The following EPHA6 variants were observed in gnomAD, a reference collection of about 807,000 sequenced individuals.
EPHA6 encodes ephrin type-A receptor 6.
EPHA6 carries 50 observed loss-of-function variants against 112.0 expected under a neutral mutation model. The observed-to-expected ratio is 0.45, with a 90% CI of 0.36 to 0.56. EPHA6 has a LOEUF of 0.56. EPHA6 is among the 20% of genes least tolerant of loss of function. The pLI is 0.00. For synonymous variants in EPHA6, 529 were observed against 490.7 expected (o/e 1.08, Z -1.03); for missense variants, 1,280 against 1,417.4 (o/e 0.90, Z 1.56).
At chr3:97,023,058 T>C (rs2044517151) in intron 3 of EPHA6, among the ~76,000 whole-genome samples, 2 of 152,278 alleles carry the variant, frequency 1.3e-5, no homozygotes, top group Admixed American at 1.3e-4. Flanking sequence ...CAATAAAGTA[T>C]CTGTGGATCC....
intron 1 of EPHA6, among the ~76,000 whole-genome samples, chr3:96,841,738 A>G (rs2034763079): frequency 6.6e-6 from 1 of 152,080 alleles, no homozygotes; most frequent in South Asian, 2.1e-4. Context: ...TTTTTCTATA[A>G]CATACCTAGC....
At chr3:97,608,411 A>T (rs1421004061) in intron 12 of EPHA6, among the ~76,000 whole-genome samples, 3 of 151,352 alleles carry the variant, frequency 2.0e-5, no homozygotes, top group Non-Finnish European at 4.4e-5. Flanking sequence ...ACTTGTTTTT[A>T]TGAAGCACCT....
intron 5 of EPHA6, among the ~76,000 whole-genome samples, chr3:97,333,872 C>T (rs1490280073): frequency 6.6e-6 from 1 of 152,012 alleles, no homozygotes; most frequent in Non-Finnish European, 1.5e-5. Context: ...GACATCCTGG[C>T]CTTTTTCCTG....
At chr3:97,540,061 A>T (rs2092827431) in intron 11 of EPHA6, among the ~76,000 whole-genome samples, 1 of 152,206 alleles carries the variant, frequency 6.6e-6, no homozygotes, top group African/African-American at 2.4e-5. Context: ...GAAAACTGGG[A>T]GGCAGCAGCA....
intron 5 of EPHA6, among the ~76,000 whole-genome samples, chr3:97,366,877 T>C (rs2084764179): frequency 6.6e-6 from 1 of 152,202 alleles, no homozygotes; most frequent in African/African-American, 2.4e-5. Flanking sequence ...TTTCTGTTCC[T>C]ATGAAATGAA....
rs115556811 is a variant in EPHA6 at position 97,466,944 on chromosome 3, C to T, written c.1895-8408C>T. On this transcript the variant is annotated intron_variant, in intron 7 of 17. Transcript: ENST00000389672. ...CATGTTGGTGACTTGCAGATTTCTT[C>T]GAATCATTCCAGATTTAGTTTAAGA... Among the ~76,000 whole-genome samples the T allele has an allele frequency of 3.6e-3, 554 of 151,974 alleles. 1 individual carries two copies. Among genetic ancestry groups the T allele is most frequent in the African/African-American group, 0.012 (516 of 41,508 alleles).
At chr3:96,960,610 C>G (rs1483547409) in intron 2 of EPHA6, among the ~76,000 whole-genome samples, 1 of 152,128 alleles carries the variant, frequency 6.6e-6, no homozygotes, top group African/African-American at 2.4e-5. Context: ...GCACATTTAT[C>G]TTTTGCTTTA....
chr3:97,071,784 T>C (rs1246521425), intron 3 of EPHA6, among the ~76,000 whole-genome samples: 1 of 151,870 alleles, frequency 6.6e-6, no homozygotes, highest in Non-Finnish European at 1.5e-5. Context: ...ACATAAGTTC[T>C]TTAATGATTA....
At chr3:96,927,151 G>A (rs1311676623) in intron 2 of EPHA6, among the ~76,000 whole-genome samples, 1 of 152,212 alleles carries the variant, frequency 6.6e-6, no homozygotes, top group African/African-American at 2.4e-5. Flanking sequence ...CTTGGGGCTT[G>A]CACCCACTGA....
chr3:97,135,175 A>G (rs1415200991), intron 3 of EPHA6, among the ~76,000 whole-genome samples: 2 of 152,198 alleles, frequency 1.3e-5, no homozygotes, highest in Non-Finnish European at 2.9e-5. Flanking sequence ...CCCAACAACT[A>G]GCAGGATATG....
chr3:97,634,127 C>T (rs566309338), intron 13 of EPHA6, among the ~76,000 whole-genome samples: 17 of 152,080 alleles, frequency 1.1e-4, no homozygotes, highest in African/African-American at 2.9e-4. Context: ...GATTCAAATC[C>T]GGACTCCACC....
At chr3:97,557,439 C>A (rs1222213517) in intron 11 of EPHA6, among the ~76,000 whole-genome samples, 1 of 151,800 alleles carries the variant, frequency 6.6e-6, no homozygotes, top group Non-Finnish European at 1.5e-5. Flanking sequence ...TCTTTATTGG[C>A]CTGGGATATA....
chr3:97,627,893 T>TA (rs1039166646), intron 13 of EPHA6, among the ~76,000 whole-genome samples: 2 of 151,958 alleles, frequency 1.3e-5, no homozygotes, highest in African/African-American at 2.4e-5. Flanking sequence ...GGATGGGACA[T>TA]ATGCATCAAT....
chr3:97,419,165 T>C lies in EPHA6; in HGVS notation c.1731+13891T>C, dbSNP rs2125331. Among the ~76,000 whole-genome samples, 734 of 152,050 alleles carry C rather than the reference T, an allele frequency of 4.8e-3. 7 individuals are homozygous for C. The highest frequency in any genetic ancestry group is 0.017 in the African/African-American group (705 of 41,498). ...ACTAAAAATACAAAATTGCGGGGCA[T>C]GGTGGCATGTACCTGTAATCCCAGC... On this transcript the variant is annotated intron_variant, in intron 6 of 17. Coordinates refer to ENST00000389672, the MANE Select transcript of EPHA6 (RefSeq NM_001080448.3).
At chr3:97,426,553 A>G (rs767410502) in intron 6 of EPHA6, among the ~76,000 whole-genome samples, 1 of 152,196 alleles carries the variant, frequency 6.6e-6, no homozygotes, top group Non-Finnish European at 1.5e-5. Flanking sequence ...TAAACTCAAG[A>G]TGAATTAAAG....
chr3:97,015,639 T>C (rs2107960472), intron 3 of EPHA6, among the ~76,000 whole-genome samples: 1 of 152,186 alleles, frequency 6.6e-6, no homozygotes, highest in South Asian at 2.1e-4. Context: ...ACAGTGATAA[T>C]CAAAAGGGAC....
intron 4 of EPHA6, among the ~76,000 whole-genome samples, chr3:97,237,519 C>G (rs2078715724): frequency 6.6e-6 from 1 of 151,950 alleles, no homozygotes; most frequent in Admixed American, 6.6e-5. Context: ...GCCAGTATGT[C>G]TTTATTCCTG....
chr3:96,902,644 T>C (rs2038680704), intron 2 of EPHA6, among the ~76,000 whole-genome samples: 2 of 152,250 alleles, frequency 1.3e-5, no homozygotes, highest in African/African-American at 2.4e-5. Flanking sequence ...TTGTCTGTTG[T>C]TGGAGTCAGA....
intron 3 of EPHA6, among the ~76,000 whole-genome samples, chr3:97,119,739 T>C (rs913662670): frequency 2.9e-4 from 44 of 152,166 alleles, no homozygotes; most frequent in African/African-American, 1.0e-3. Context: ...AGAATGAACA[T>C]ATAATTGTTA....
Sources: allele counts gnomAD v4.1 joint callset (sites outside exome capture counted in the v4.1 genomes callset), GRCh38; gene constraint gnomAD v4.1.1; transcripts MANE v1.5; gene names NCBI Gene and HGNC (gene_info 2026-07-23, HGNC 2026-07-21).